Variants in OLFML2B observed in about 807,000 individuals in gnomAD.
The protein encoded by OLFML2B is olfactomedin like 2B, also known as olfactomedin-like protein 2B.
A neutral mutation model predicts 74.9 loss-of-function variants in OLFML2B; 57 were observed. That is an observed-to-expected ratio of 0.76 (90% CI 0.61 to 0.95). The LOEUF is 0.95. Ranked by LOEUF, OLFML2B falls within the 40% of genes least tolerant of loss-of-function variation. OLFML2B has a pLI of 0.00. For missense variants in OLFML2B, 986 were observed against 970.6 expected (o/e 1.02, Z -0.21); for synonymous variants, 388 against 405.8 (o/e 0.96, Z 0.53).
At chr1:162,003,367 G>C (rs1558061345) in intron 4 of OLFML2B, among the ~76,000 whole-genome samples, 1 of 152,206 alleles carries the variant, frequency 6.6e-6, no homozygotes, top group Non-Finnish European at 1.5e-5. Context: ...TGCAAAAGCA[G>C]GTTGTCATTT....
chr1:161,983,895 A>G lies in OLFML2B; in HGVS notation c.2033T>C (p.Val678Ala), dbSNP rs976928543. Residue 678 changes from valine to alanine, a missense_variant, in exon 8 of 8, where the codon GTC (valine) becomes GCC (alanine). Physicochemically the swap from Val to Ala is moderately conservative, Grantham distance 64. Transcript: ENST00000294794. ...LRRNFYGNCF[V>A]ICGVLYAVDS... The stretch of plus-strand genomic sequence containing the variant: ...CACGGCATACAGCACCCCACAGATG[A>G]CGAAGCAGTTGCCGTAGAAATTCCT... 3.7e-6 allele frequency: 6 copies of G among 1,614,218 alleles called. No individual in the cohort carries two copies. The highest frequency in any genetic ancestry group is 3.3e-4 in the Middle Eastern group (2 of 6,062).
chr1:162,010,582 T>G (rs1690353293), intron 3 of OLFML2B, among the ~76,000 whole-genome samples: 1 of 152,140 alleles, frequency 6.6e-6, no homozygotes, highest in African/African-American at 2.4e-5. Flanking sequence ...ACAGACCGTA[T>G]CCTGACCTTG....
intron 6 of OLFML2B, among the ~76,000 whole-genome samples, chr1:161,992,018 G>A (rs2101950587): frequency 6.6e-6 from 1 of 152,278 alleles, no homozygotes; most frequent in African/African-American, 2.4e-5. Context: ...CTTTAATTAT[G>A]AAGGTCCTAG....
chr1:161,990,033 A>G (rs1002883780), intron 6 of OLFML2B, among the ~76,000 whole-genome samples: 2 of 152,244 alleles, frequency 1.3e-5, no homozygotes, highest in Non-Finnish European at 2.9e-5. Flanking sequence ...TTGATACGAA[A>G]GAAGAGGGAA....
chr1:161,984,312 G>T (rs756721592), intron 7 of OLFML2B, 36 bp from the exon 8 acceptor site: 64 of 1,512,234 alleles, frequency 4.2e-5, no homozygotes, highest in Non-Finnish European at 5.2e-5. Flanking sequence ...CTTCAGAGTG[G>T]CATGGCAGAG....
At chr1:162,003,658 C>T (rs956948232) in intron 4 of OLFML2B, among the ~76,000 whole-genome samples, 2 of 152,140 alleles carry the variant, frequency 1.3e-5, no homozygotes, top group Non-Finnish European at 2.9e-5. Flanking sequence ...CCACTCTCAC[C>T]CTGCTCTCTC....
chr1:162,023,483 G>C lies in OLFML2B; in HGVS notation c.-53C>G. ...CCCTTCAGAGAATGGCTGGGGCGGG[G>C]GGTCTCGGCAAGGACTTCTGCGAGA... On this transcript the variant is annotated 5_prime_UTR_variant, in exon 1 of 8. Transcript: ENST00000294794. 7.2e-7 allele frequency: 1 copy of C among 1,384,282 alleles called. No homozygotes were observed. The highest frequency in any genetic ancestry group is 9.5e-7 in the Non-Finnish European group (1 of 1,057,410). 85.7% of individuals were successfully genotyped at this position (1,384,282 alleles called of 1,614,324 possible).
At chr1:161,997,689 CAA>C in intron 6 of OLFML2B, 134 bp downstream of exon 6, 1 of 938,986 alleles carries the variant, frequency 1.1e-6, no homozygotes, top group Admixed American at 2.4e-5. Flanking sequence ...AATCGTTGGT[CAA>C]AGGCTTAACT....
intron 6 of OLFML2B, 116 bp from the exon 7 acceptor site, chr1:161,985,096 G>A: frequency 1.9e-6 from 2 of 1,046,864 alleles, no homozygotes; most frequent in Non-Finnish European, 1.4e-6. Flanking sequence ...TAACAGCCCT[G>A]TATAACCTGA....
chr1:161,994,817 T>C (rs1689846173), intron 6 of OLFML2B, among the ~76,000 whole-genome samples: 1 of 152,150 alleles, frequency 6.6e-6, no homozygotes, highest in South Asian at 2.1e-4. Context: ...ATAACTCTCC[T>C]GAGGATAATG....
In OLFML2B at chr1:162,023,621, C is replaced by CAG. The variant is rs1558072214; in HGVS notation, c.-192_-191insCT. 2.0e-4 allele frequency: 91 copies of CAG among 455,156 alleles called. No homozygotes were observed. The highest frequency in any genetic ancestry group is 1.5e-3 in the African/African-American group (77 of 49,786). 28.2% of individuals were successfully genotyped at this position (455,156 alleles called of 1,614,324 possible). ...GAGACTCTGGGCATCTCCTTCCCGACGCGAGCAGCCCTCGACTGTGCAGCC... is the reference window on the plus strand; with the variant it reads ...GAGACTCTGGGCATCTCCTTCCCGACAGGCGAGCAGCCCTCGACTGTGCAGCC... On this transcript the variant is annotated 5_prime_UTR_variant, in exon 1 of 8. Coordinates refer to ENST00000294794, the MANE Select transcript of OLFML2B (RefSeq NM_015441.3).
At chr1:161,998,466 G>A (rs1689988253) in intron 5 of OLFML2B, 117 bp from the exon 6 acceptor site, 1 of 1,130,940 alleles carries the variant, frequency 8.8e-7, no homozygotes, top group Admixed American at 2.6e-5. Flanking sequence ...ACGACGGCTT[G>A]AGTTACAGAG....
At chr1:162,015,397 G>A (rs1690501814) in intron 3 of OLFML2B, among the ~76,000 whole-genome samples, 2 of 152,178 alleles carry the variant, frequency 1.3e-5, no homozygotes, top group Non-Finnish European at 2.9e-5. Context: ...CTCAGAGGCT[G>A]AGTACCTGAC....
At chr1:162,012,723 A>G (rs1690426954) in intron 3 of OLFML2B, among the ~76,000 whole-genome samples, 1 of 152,196 alleles carries the variant, frequency 6.6e-6, no homozygotes, top group Admixed American at 6.5e-5. Flanking sequence ...TGGGCTATGC[A>G]CCCACACATA....
intron 6 of OLFML2B, among the ~76,000 whole-genome samples, chr1:161,991,097 A>G (rs1251783162): frequency 6.6e-6 from 1 of 152,104 alleles, no homozygotes; most frequent in Admixed American, 6.5e-5. Context: ...TGAACCCCTC[A>G]AGGTTATCCA....
At chr1:162,013,126 T>C (rs1451302234) in intron 3 of OLFML2B, among the ~76,000 whole-genome samples, 1 of 152,188 alleles carries the variant, frequency 6.6e-6, no homozygotes, top group Admixed American at 6.5e-5. Flanking sequence ...GAACAGGGCT[T>C]GCCTTTGCCT....
In OLFML2B at chr1:161,998,244, G is replaced by A. The variant is rs1203884089; in HGVS notation, c.1055C>T (p.Thr352Ile). 6.2e-7 allele frequency: 1 copy of A among 1,612,152 alleles called. No individual in the cohort carries two copies. Among genetic ancestry groups the A allele is most frequent in the Non-Finnish European group, 8.5e-7 (1 of 1,178,424 alleles). The change falls in exon 6 of 8, where the codon ACC becomes ATC. Residue 352 changes from threonine to isoleucine, a missense_variant. Thr to Ile is a moderately conservative substitution (Grantham distance 89). Transcript: ENST00000294794. The part of the protein sequence containing the change: ...MTSVTRRPAA[T>I]RQGHSTAVTS... ...CACAGCAGTGCTGTGTCCCTGACGG[G>A]TGGCTGCAGGCCTCCGGGTGACACT...
At position 162,009,144 on chromosome 1, in the gene OLFML2B, T is replaced by C. The variant is rs72712101; in HGVS notation, c.547-2671A>G. On this transcript the variant is annotated intron_variant, in intron 3 of 7. Coordinates refer to ENST00000294794, the MANE Select transcript of OLFML2B (RefSeq NM_015441.3). Reference sequence around the variant, plus strand: ...CCCTCCATGAGGGGGAAGTAGGCAATAGACAAAGAAATAGACAAGAAAATA... The same window carrying C: ...CCCTCCATGAGGGGGAAGTAGGCAACAGACAAAGAAATAGACAAGAAAATA... 2.6e-3 allele frequency among the ~76,000 whole-genome samples: 400 copies of C among 151,412 alleles called. 1 individual carries two copies. Among genetic ancestry groups the C allele is most frequent in the Non-Finnish European group, 3.5e-3 (237 of 67,784 alleles).
intron 7 of OLFML2B, 46 bp downstream of exon 7, chr1:161,984,758 C>T (rs369070676): frequency 3.5e-5 from 56 of 1,580,752 alleles, no homozygotes; most frequent in Middle Eastern, 1.7e-4. Context: ...AAACAGAGGA[C>T]GTGGGGAAGG....
Sources: allele counts gnomAD v4.1 joint callset (sites outside exome capture counted in the v4.1 genomes callset), GRCh38; gene constraint gnomAD v4.1.1; transcripts MANE v1.5; gene names NCBI Gene and HGNC (gene_info 2026-07-23, HGNC 2026-07-21).